The following TUT7 variants were observed in gnomAD, a reference collection of about 807,000 sequenced individuals.
TUT7 encodes the protein terminal uridylyltransferase 7.
Under a neutral mutation model 165.9 loss-of-function variants are expected in TUT7, and 33 were observed. The observed-to-expected ratio is 0.20, with a 90% CI of 0.15 to 0.27. TUT7 has a LOEUF of 0.27. TUT7 is among the 10% of genes least tolerant of loss of function. The pLI, the probability that TUT7 is intolerant of heterozygous loss-of-function variation, is 1.00. For missense variants in TUT7, 1,338 were observed against 1,762.3 expected (o/e 0.76, Z 4.31); for synonymous variants, 552 against 608.1 (o/e 0.91, Z 1.36).
At chr9:86,301,846 G>T in intron 25 of TUT7, 1 of 985,320 alleles carries the variant, frequency 1.0e-6, no homozygotes. Flanking sequence ...ACCAATGACT[G>T]CAATTAGTGG....
chr9:86,309,347 A>C, intron 20 of TUT7, 58 bp from the exon 21 acceptor site: 1 of 1,423,356 alleles, frequency 7.0e-7, no homozygotes, highest in Non-Finnish European at 9.7e-7. Context: ...TTGATACAAA[A>C]ACTTCTAGGA....
Position 86,352,755 on chromosome 9 carries a change from T to C in TUT7, c.445A>G (p.Arg149Gly). 6.2e-7 allele frequency: 1 copy of C among 1,614,220 alleles called. No individual in the cohort carries two copies. The highest frequency in any genetic ancestry group is 8.5e-7 in the Non-Finnish European group (1 of 1,180,028). ...GYRWQDTRGC[R>G]TVRRLFHKDL... ...TTATGAAACAGTCGTCTTACAGTTCTGCAGCCTCTTGTGTCTTGCCACCTA... is the reference window on the plus strand; with the variant it reads ...TTATGAAACAGTCGTCTTACAGTTCCGCAGCCTCTTGTGTCTTGCCACCTA... The change falls in exon 2 of 27, where the codon AGA (arginine) becomes GGA (glycine). Residue 149 changes from arginine to glycine, a missense_variant. By Grantham distance (125) the Arg-to-Gly change is moderately radical (BLOSUM62 -2). Coordinates refer to ENST00000375963, the MANE Select transcript of TUT7 (RefSeq NM_024617.4).
intron 6 of TUT7, 54 bp downstream of exon 6, chr9:86,343,020 TA>T: frequency 1.7e-6 from 2 of 1,158,994 alleles, no homozygotes; most frequent in Non-Finnish European, 2.6e-6. Context: ...TTTACATTTG[TA>T]AGAAAGAATT....
intron 2 of TUT7, among the ~76,000 whole-genome samples, chr9:86,347,162 T>C (rs1440327432): frequency 1.3e-5 from 2 of 152,228 alleles, no homozygotes; most frequent in African/African-American, 4.8e-5. Flanking sequence ...CTTCTTTGAA[T>C]GGCCTGTACA....
rs1831709456 is a variant in TUT7 at position 86,345,858 on chromosome 9, G to C, written c.703-73C>G. On this transcript the variant is annotated intron_variant, in intron 3 of 26. Coordinates refer to ENST00000375963, the MANE Select transcript of TUT7 (RefSeq NM_024617.4). ...ACATTCAGATAAACAAAATCAGCCAGGAAATGATTTCCCCTTCAATTTCTT... is the reference window on the plus strand; with the variant it reads ...ACATTCAGATAAACAAAATCAGCCACGAAATGATTTCCCCTTCAATTTCTT... 2.8e-6 allele frequency: 3 copies of C among 1,090,156 alleles called. No homozygotes were observed. The Admixed American group carries it at 5.9e-5, about 21-fold the overall frequency. The allele number at this position is 1,090,156 out of a possible 1,614,324, so 67.5% of individuals were successfully genotyped here.
At chr9:86,322,600 T>C in intron 13 of TUT7, 125 bp from the exon 14 acceptor site, 2 of 1,209,448 alleles carry the variant, frequency 1.7e-6, no homozygotes, top group Middle Eastern at 2.1e-4. Context: ...AAATATAACA[T>C]GCATCCACTC....
chr9:86,350,327 T>C (rs1394367003), intron 2 of TUT7, among the ~76,000 whole-genome samples: 2 of 152,024 alleles, frequency 1.3e-5, no homozygotes, highest in East Asian at 3.9e-4. Flanking sequence ...CGAGACTCCA[T>C]CTCAAAAAAG....
At chr9:86,346,676 C>T (rs984153147) in intron 2 of TUT7, among the ~76,000 whole-genome samples, 196 bp from the exon 3 acceptor site, 3 of 152,122 alleles carry the variant, frequency 2.0e-5, no homozygotes, top group African/African-American at 7.2e-5. Flanking sequence ...AGACATTAAG[C>T]CATAGAAATC....
At chr9:86,313,005 C>G (rs987608087) in intron 17 of TUT7, among the ~76,000 whole-genome samples, 78 of 152,130 alleles carry the variant, frequency 5.1e-4, no homozygotes, top group African/African-American at 1.8e-3. Flanking sequence ...CCTAGGAAAA[C>G]CAGAGACCTT....
intron 18 of TUT7, 53 bp from the exon 19 acceptor site, chr9:86,310,070 C>T (rs1329366309): frequency 4.7e-5 from 52 of 1,117,520 alleles, no homozygotes; most frequent in Middle Eastern, 2.5e-4. Context: ...TAAAGGGTCT[C>T]TTTTTTTTTT....
intron 26 of TUT7, 30 bp downstream of exon 26, chr9:86,301,246 C>A (rs763309449): frequency 6.4e-7 from 1 of 1,570,176 alleles, no homozygotes; most frequent in Non-Finnish European, 8.7e-7. Context: ...GATGTTAGAG[C>A]AAACATCAAG....
chr9:86,307,748 C>T (rs1827643924), intron 22 of TUT7, among the ~76,000 whole-genome samples: 2 of 152,176 alleles, frequency 1.3e-5, no homozygotes, highest in Non-Finnish European at 2.9e-5. Flanking sequence ...AATCCCAGCA[C>T]TTTGGGAGGC....
chr9:86,309,724 A>G (rs1486430936), intron 19 of TUT7, 148 bp from the exon 20 acceptor site: 3 of 867,136 alleles, frequency 3.5e-6, no homozygotes, highest in Non-Finnish European at 3.6e-6. Flanking sequence ...AACCTAGCAA[A>G]GCAGTGGACA....
At chr9:86,317,792 T>C (rs964916019) in intron 16 of TUT7, among the ~76,000 whole-genome samples, 2 of 152,162 alleles carry the variant, frequency 1.3e-5, no homozygotes, top group African/African-American at 2.4e-5. Context: ...CAAATATAAA[T>C]AGTATTTGAT....
chr9:86,304,496 C>T (rs1259244249), intron 24 of TUT7, among the ~76,000 whole-genome samples: 2 of 152,072 alleles, frequency 1.3e-5, no homozygotes, highest in Non-Finnish European at 2.9e-5. Context: ...ATTGGAAAAT[C>T]TAGATTCTAG....
chr9:86,336,267 T>C (rs1320719820), intron 10 of TUT7, among the ~76,000 whole-genome samples: 1 of 152,174 alleles, frequency 6.6e-6, no homozygotes, highest in Non-Finnish European at 1.5e-5. Flanking sequence ...CATTCCTACT[T>C]GGGTGTGCTG....
chr9:86,302,661 G>T (rs1186806788), intron 25 of TUT7, among the ~76,000 whole-genome samples: 2 of 142,230 alleles, frequency 1.4e-5, no homozygotes, highest in Non-Finnish European at 3.0e-5. Context: ...CTTTTGCCCA[G>T]GCTGGAGTGC....
Position 86,301,486 on chromosome 9 carries a change from A to G in TUT7, c.4210T>C (p.Ser1404Pro). Residue 1404 changes from serine to proline, a missense_variant, in exon 26 of 27, where the codon TCA (serine) becomes CCA (proline). By Grantham distance (74) the Ser-to-Pro change is moderately conservative. Around this residue, in one of 7 missense-constraint regions of TUT7, gnomAD observed 167 missense variants for 204.9 expected, o/e 0.82. Transcript: ENST00000375963. ...TGTATGGGCTTATCTTCTTTTGTTG[A>G]CACCTCCCTTTCTGTGTACTTGTTG... is the stretch of plus-strand genomic sequence containing the variant. ...IHNKYTEREV[S>P]TKEDKPIQCT... is the part of the protein sequence containing the mutation. 6.2e-7 allele frequency: 1 copy of G among 1,613,476 alleles called. No homozygotes were observed.
intron 17 of TUT7, among the ~76,000 whole-genome samples, chr9:86,314,509 A>C (rs1015815884): frequency 5.3e-5 from 8 of 152,212 alleles, no homozygotes; most frequent in Admixed American, 5.2e-4. Context: ...ACTTTCACAC[A>C]GGTGTTCTCT....
Sources: allele counts gnomAD v4.1 joint callset (sites outside exome capture counted in the v4.1 genomes callset), GRCh38; gene constraint gnomAD v4.1.1; regional missense constraint gnomAD v4.1.1; transcripts MANE v1.5; gene names NCBI Gene and HGNC (gene_info 2026-07-23, HGNC 2026-07-21).